The following CLIP3 variants were observed in gnomAD, a reference collection of about 807,000 sequenced individuals.
CLIP3 encodes CAP-Gly domain containing linker protein 3.
CLIP3 carries 15 observed loss-of-function variants against 59.4 expected under a neutral mutation model. The observed-to-expected ratio is 0.25, with a 90% confidence interval of 0.17 to 0.39. The LOEUF is 0.39. CLIP3 is among the 10% of genes least tolerant of loss of function. The pLI is 1.00. For missense variants in CLIP3, 495 were observed against 765.7 expected (o/e 0.65, Z 4.17); for synonymous variants, 300 against 321.6 (o/e 0.93, Z 0.72).
At chr19:36,020,945 C>T (rs901599188) in intron 7 of CLIP3, among the ~76,000 whole-genome samples, 3 of 152,136 alleles carry the variant, frequency 2.0e-5, no homozygotes, top group African/African-American at 7.2e-5. Context: ...CCTTGAACTC[C>T]TGGGTTCAAG....
chr19:36,026,659 G>A lies in CLIP3; in HGVS notation c.489C>T (p.Asn163=). The change falls in exon 5 of 14, where the codon AAC becomes AAT. Residue 163 remains asparagine, a synonymous_variant. Transcript: ENST00000360535. This position sits in a 1 kb window ranked among gnomAD's most constrained non-coding sequence, Gnocchi z 6.3. ...VTLRSRWTNM[N]ALHYAAYFDV... ...CAAAATAGGCCGCGTAGTGAAGCGCGTTCATGTTGGTCCAGCGGCTGCGCA... is the reference window on the plus strand; with the variant it reads ...CAAAATAGGCCGCGTAGTGAAGCGCATTCATGTTGGTCCAGCGGCTGCGCA... 1 of 1,612,820 alleles carries A rather than the reference G, an allele frequency of 6.2e-7. No homozygotes were observed. The highest frequency in any genetic ancestry group is 8.5e-7 in the Non-Finnish European group (1 of 1,179,682).
In CLIP3 at chr19:36,024,444, G is replaced by C. The variant is rs368037147; in HGVS notation, c.870C>G (p.Ser290Arg). The stretch of plus-strand genomic sequence containing the variant: ...GGTCTCCCAGGCGCAAGCCCAGTGC[G>C]CTAAGCATGAGATTGCCTGGGACGT... ...YDNVPGNLML[S>R]ALGLRLGDRV... Residue 290 changes from serine (S) to arginine (R), a missense_variant, in exon 7 of 14, where the codon AGC becomes AGG. Transcript: ENST00000360535. 2 of 1,614,188 alleles carry C rather than the reference G, an allele frequency of 1.2e-6. No individual in the cohort carries two copies.
Position 36,032,249 on chromosome 19 carries a change from G to T in CLIP3, c.109C>A (p.Arg37Ser). 7.7e-7 allele frequency: 1 copy of T among 1,303,058 alleles called. No homozygotes were observed. Among genetic ancestry groups the T allele is most frequent in the Non-Finnish European group, 9.8e-7 (1 of 1,015,770 alleles). The allele number at this position is 1,303,058 out of a possible 1,614,324, so 80.7% of individuals were successfully genotyped here. A position where few individuals can be genotyped will look rare whatever the true frequency, so the allele number is the denominator to read the frequency against. Residue 37 changes from arginine (R) to serine (S), a missense_variant, in exon 2 of 14, where the codon CGC (arginine) becomes AGC (serine). By Grantham distance (110) the Arg-to-Ser change is moderately radical. This residue lies in a region of CLIP3 where 90 missense variants were observed against 105.2 expected (regional missense o/e 0.86). Transcript: ENST00000360535. The surrounding 1 kb of genome is among the most constrained non-coding windows in gnomAD (Gnocchi z 4.3). ...GGGTGCACAACAGGCTTCTGCCGGC[G>T]CTCCTGGGTGGGGCTGGGGGCCTCG... is the stretch of plus-strand genomic sequence containing the variant. ...VPEAPSPTQE[R>S]RQKPVVHPSA... is the part of the protein sequence containing the mutation.
chr19:36,014,909 T>C lies in CLIP3; in HGVS notation c.*1249A>G. 1 of 152,510 alleles carries C rather than the reference T, an allele frequency of 6.6e-6. No homozygotes were observed. The highest frequency in any genetic ancestry group is 2.0e-4 in the South Asian group (1 of 4,930). 9.4% of individuals were successfully genotyped at this position (152,510 alleles called of 1,614,324 possible). A position where few individuals can be genotyped will look rare whatever the true frequency, so the allele number is the denominator to read the frequency against. ...GAGATCCCCTCAGGGCCTTGGGGCC[T>C]TCCATTTATTAGAGATGGAGGCTTT... On this transcript the variant is annotated 3_prime_UTR_variant, in exon 14 of 14. Transcript: ENST00000360535.
Position 36,032,436 on chromosome 19 carries a change from G to C in CLIP3, c.-58-21C>G, listed in dbSNP as rs982144041. 1 of 653,900 alleles carries C rather than the reference G, an allele frequency of 1.5e-6. No individual in the cohort carries two copies. Among genetic ancestry groups the C allele is most frequent in the African/African-American group, 1.9e-5 (1 of 53,482 alleles). 40.5% of individuals were successfully genotyped at this position (653,900 alleles called of 1,614,324 possible). On this transcript the variant is annotated intron_variant, in intron 1 of 13. Coordinates refer to ENST00000360535, the MANE Select transcript of CLIP3 (RefSeq NM_015526.3). The surrounding 1 kb of genome is among the most constrained non-coding windows in gnomAD (Gnocchi z 4.3). Reference sequence around the variant, plus strand: ...AAATCCTGGAGGCAGAGGTCAGCTGGAGAGGGTGCCCGGCAGGCTCCAGGG... The same window carrying C: ...AAATCCTGGAGGCAGAGGTCAGCTGCAGAGGGTGCCCGGCAGGCTCCAGGG...
chr19:36,026,675 C>T lies in CLIP3; in HGVS notation c.473G>A (p.Arg158His). ...GTGAAGCGCGTTCATGTTGGTCCAG[C>T]GGCTGCGCAGCGTCACATCTGCGCC... is the stretch of plus-strand genomic sequence containing the variant. ...ALGADVTLRS[R>H]WTNMNALHYA... The change falls in exon 5 of 14, where the codon CGC becomes CAC. Residue 158 changes from arginine to histidine, a missense_variant. Physicochemically the swap from Arg to His is conservative, Grantham distance 29. Around this residue, in one of 5 missense-constraint regions of CLIP3, gnomAD observed 194 missense variants for 327.8 expected, o/e 0.59. Transcript: ENST00000360535. The surrounding 1 kb of genome is among the most constrained non-coding windows in gnomAD (Gnocchi z 6.3). The T allele has an allele frequency of 1.9e-6, 3 of 1,611,162 alleles. No homozygotes were observed. The highest frequency in any genetic ancestry group is 1.1e-5 in the South Asian group (1 of 90,794).
chr19:36,032,252 C>T lies in CLIP3; in HGVS notation c.106G>A (p.Glu36Lys). 7.7e-7 allele frequency: 1 copy of T among 1,305,946 alleles called. No individual in the cohort carries two copies. Among genetic ancestry groups the T allele is most frequent in the Non-Finnish European group, 9.8e-7 (1 of 1,017,748 alleles). 80.9% of individuals were successfully genotyped at this position (1,305,946 alleles called of 1,614,324 possible). A position where few individuals can be genotyped will look rare whatever the true frequency, so the allele number is the denominator to read the frequency against. The change falls in exon 2 of 14, where the codon GAG becomes AAG. Residue 36 changes from glutamate (E) to lysine (K), a missense_variant. By Grantham distance (56) the Glu-to-Lys change is moderately conservative. Around this residue, in one of 5 missense-constraint regions of CLIP3, gnomAD observed 90 missense variants for 105.2 expected, o/e 0.86. Coordinates refer to ENST00000360535, the MANE Select transcript of CLIP3 (RefSeq NM_015526.3). The surrounding 1 kb of genome is among the most constrained non-coding windows in gnomAD (Gnocchi z 4.3). ...PVPEAPSPTQERRQKPVVHPS... is the reference protein window; with the variant it reads ...PVPEAPSPTQKRRQKPVVHPS... ...TGCACAACAGGCTTCTGCCGGCGCT[C>T]CTGGGTGGGGCTGGGGGCCTCGGGG...
intron 6 of CLIP3, among the ~76,000 whole-genome samples, chr19:36,025,288 C>G: frequency 6.6e-6 from 1 of 151,986 alleles, no homozygotes; most frequent in Non-Finnish European, 1.5e-5. Context: ...GGGAGATGAA[C>G]ATTGAGAATG....
Position 36,027,756 on chromosome 19 carries a change from T to C in CLIP3, c.167-485A>G, listed in dbSNP as rs1259224089. On this transcript the variant is annotated intron_variant, in intron 2 of 13. Coordinates refer to ENST00000360535, the MANE Select transcript of CLIP3 (RefSeq NM_015526.3). Reference sequence around the variant, plus strand: ...AGTCCACATCAAATGTATCCATGACTGGGCACAGTGGTTCACATCTGTAAT... The same window carrying C: ...AGTCCACATCAAATGTATCCATGACCGGGCACAGTGGTTCACATCTGTAAT... Among the ~76,000 whole-genome samples the C allele has an allele frequency of 2.6e-5, 4 of 152,202 alleles. No individual in the cohort carries two copies. The East Asian group carries it at 5.8e-4, about 22-fold the overall frequency.
intron 2 of CLIP3, among the ~76,000 whole-genome samples, chr19:36,031,590 C>T (rs1359081067): frequency 2.0e-5 from 3 of 152,116 alleles, no homozygotes; most frequent in African/African-American, 2.4e-5. Flanking sequence ...CTTTACCCAG[C>T]GGTTACCTCT....
Position 36,032,491 on chromosome 19 carries a change from G to A in CLIP3, c.-58-76C>T, listed in dbSNP as rs1969292515. 1.9e-5 allele frequency: 8 copies of A among 416,286 alleles called. No homozygotes were observed. The highest frequency in any genetic ancestry group is 1.1e-4 in the East Asian group (3 of 28,108). 25.8% of individuals were successfully genotyped at this position (416,286 alleles called of 1,614,324 possible). Reference sequence around the variant, plus strand: ...AGCCCCTAGGAGCTTCCAGGGCCCCGGGTGGCCTCCGCGCAACTGGATCTT... The same window carrying A: ...AGCCCCTAGGAGCTTCCAGGGCCCCAGGTGGCCTCCGCGCAACTGGATCTT... On this transcript the variant is annotated intron_variant, in intron 1 of 13. Transcript: ENST00000360535. The surrounding 1 kb of genome is among the most constrained non-coding windows in gnomAD (Gnocchi z 4.3).
intron 8 of CLIP3, 32 bp downstream of exon 8, chr19:36,019,139 C>T: frequency 6.2e-7 from 1 of 1,613,228 alleles, no homozygotes; most frequent in Non-Finnish European, 8.5e-7. Context: ...GACACCCAGC[C>T]ACACCCCTCT....
rs894722182 is a variant in CLIP3, at chr19:36,021,283, C to T, written c.919-1977G>A. On this transcript the variant is annotated intron_variant, in intron 7 of 13. Coordinates refer to ENST00000360535, the MANE Select transcript of CLIP3 (RefSeq NM_015526.3). ...GCCACCTCATGGAGTGATCATCTGG[C>T]GGAAACTTTTTTTTTTTTTAGACAG... Among the ~76,000 whole-genome samples the T allele has an allele frequency of 5.3e-5, 8 of 151,336 alleles. No homozygotes were observed. In the East Asian group the frequency reaches 5.9e-4, roughly 11 times the overall value.
intron 2 of CLIP3, among the ~76,000 whole-genome samples, chr19:36,031,008 C>CTTTTTTTTTTTTTTTTTT (rs374690845): frequency 4.1e-4 from 32 of 77,846 alleles, no homozygotes; most frequent in South Asian, 8.6e-4. Flanking sequence ...TTTTTCTTTT[C>CTTTTTTTTTTTTTTTTTT]TTTTTTTTTT....
intron 2 of CLIP3, among the ~76,000 whole-genome samples, chr19:36,030,755 T>C (rs921083962): frequency 1.3e-5 from 2 of 152,194 alleles, no homozygotes; most frequent in African/African-American, 4.8e-5. Context: ...ACCTCGATCA[T>C]TCCCTGAATG....
chr19:36,015,833 T>C lies in CLIP3; in HGVS notation c.*325A>G. On this transcript the variant is annotated 3_prime_UTR_variant, in exon 14 of 14. Transcript: ENST00000360535. ...TGGGTGATTCAAGAATGTTCTGTTG[T>C]AATGCATTATGTGGAGAGGGTCACC... The C allele has an allele frequency of 4.9e-6, 2 of 408,998 alleles. No individual in the cohort carries two copies. Among genetic ancestry groups the C allele is most frequent in the Non-Finnish European group, 9.1e-6 (2 of 219,486 alleles). 25.3% of individuals were successfully genotyped at this position (408,998 alleles called of 1,614,324 possible).
In CLIP3 at chr19:36,026,165, G is replaced by A. The variant is rs1439266354; in HGVS notation, c.663C>T (p.Gly221=). 4 of 1,613,626 alleles carry A rather than the reference G, an allele frequency of 2.5e-6. No homozygotes were observed. The highest frequency in any genetic ancestry group is 1.7e-5 in the Admixed American group (1 of 60,012). Residue 221 remains glycine (G), a synonymous_variant, in exon 6 of 14, where the codon GGC becomes GGT. Transcript: ENST00000360535. This position sits in a 1 kb window ranked among gnomAD's most constrained non-coding sequence, Gnocchi z 6.3. ...LGAAKCLLEH[G]ANPALRNRKG... Reference sequence around the variant, plus strand: ...GCAGTACCCTCAGCGCAGGGTTGGCGCCGTGCTCCAGCAAACATTTGGCGG... The same window carrying A: ...GCAGTACCCTCAGCGCAGGGTTGGCACCGTGCTCCAGCAAACATTTGGCGG...
At chr19:36,031,008 C>CTTTTTTTTTT (rs374690845) in intron 2 of CLIP3, among the ~76,000 whole-genome samples, 33 of 77,848 alleles carry the variant, frequency 4.2e-4, no homozygotes, top group African/African-American at 5.4e-4. Flanking sequence ...TTTTTCTTTT[C>CTTTTTTTTTT]TTTTTTTTTT....
At chr19:36,028,855 T>C (rs1261341312) in intron 2 of CLIP3, among the ~76,000 whole-genome samples, 3 of 152,098 alleles carry the variant, frequency 2.0e-5, no homozygotes, top group Non-Finnish European at 4.4e-5. Context: ...GTCTTGGCAC[T>C]TGCTGTTCTT....
Sources: allele counts gnomAD v4.1 joint callset (sites outside exome capture counted in the v4.1 genomes callset), GRCh38; gene constraint gnomAD v4.1.1; regional missense constraint gnomAD v4.1.1; non-coding constraint Gnocchi (gnomAD v3.1); transcripts MANE v1.5; gene names NCBI Gene and HGNC (gene_info 2026-07-23, HGNC 2026-07-21).